The following CNTNAP2 variants were observed in gnomAD, a reference collection of about 807,000 sequenced individuals.
CNTNAP2 encodes the protein contactin-associated protein-like 2.
In CNTNAP2, 98 loss-of-function variants were observed where a neutral mutation model predicts 155.2. The ratio of observed to expected loss-of-function variants is 0.63; its 90% CI spans 0.54 to 0.75. CNTNAP2 has a LOEUF of 0.75. CNTNAP2 is among the 30% of genes least tolerant of loss of function. The probability of loss-of-function intolerance (pLI) is 0.00; values close to 1 mark genes in which losing one functional copy is unlikely to be tolerated. For synonymous variants in CNTNAP2, 651 were observed against 631.2 expected (o/e 1.03, Z -0.47); for missense variants, 1,727 against 1,688.1 (o/e 1.02, Z -0.40).
At chr7:147,160,701 G>T (rs1802008370) in intron 8 of CNTNAP2, among the ~76,000 whole-genome samples, 1 of 152,068 alleles carries the variant, frequency 6.6e-6, no homozygotes, top group African/African-American at 2.4e-5. Context: ...AAATCTTAAA[G>T]GGGAGATTGT....
chr7:146,312,907 A>G (rs1324142195), intron 1 of CNTNAP2, among the ~76,000 whole-genome samples: 1 of 152,254 alleles, frequency 6.6e-6, no homozygotes, highest in South Asian at 2.1e-4. Context: ...TTTTAAGGGT[A>G]TATAGTATTC....
chr7:148,417,287 G>T lies in CNTNAP2; in HGVS notation c.*1671G>T, dbSNP rs988681873. 6.6e-6 allele frequency: 1 copy of T among 152,516 alleles called. No individual in the cohort carries two copies. Among genetic ancestry groups the T allele is most frequent in the African/African-American group, 2.4e-5 (1 of 41,410 alleles). The allele number at this position is 152,516 out of a possible 1,614,324, so 9.4% of individuals were successfully genotyped here. On this transcript the variant is annotated 3_prime_UTR_variant, in exon 24 of 24. Coordinates refer to ENST00000361727, the MANE Select transcript of CNTNAP2 (RefSeq NM_014141.6). ...AGATTCTCAGTGTGCCTAACTTATTGGAGCACATCAGTTTCTTGGGTAATG... is the reference window on the plus strand; with the variant it reads ...AGATTCTCAGTGTGCCTAACTTATTTGAGCACATCAGTTTCTTGGGTAATG...
At chr7:147,587,986 G>A (rs1411380942) in intron 12 of CNTNAP2, among the ~76,000 whole-genome samples, 1 of 152,172 alleles carries the variant, frequency 6.6e-6, no homozygotes, top group Middle Eastern at 3.4e-3. Flanking sequence ...TTGTTTTCCT[G>A]TTTAGAAAAT....
chr7:147,895,695 C>T (rs1799765153), intron 13 of CNTNAP2, among the ~76,000 whole-genome samples: 1 of 152,144 alleles, frequency 6.6e-6, no homozygotes, highest in South Asian at 2.1e-4. Context: ...CTGCTATTCC[C>T]CAAAGCCAAT....
intron 13 of CNTNAP2, among the ~76,000 whole-genome samples, chr7:147,826,639 A>G (rs1210676134): frequency 6.6e-6 from 1 of 152,222 alleles, no homozygotes; most frequent in Non-Finnish European, 1.5e-5. Context: ...ATTTTATCAG[A>G]GATATCAAAG....
intron 20 of CNTNAP2, among the ~76,000 whole-genome samples, chr7:148,251,036 T>C (rs551300579): frequency 6.6e-6 from 1 of 152,220 alleles, no homozygotes; most frequent in South Asian, 2.1e-4. Flanking sequence ...TAACCCTTGT[T>C]CTATTATTAC....
intron 11 of CNTNAP2, among the ~76,000 whole-genome samples, chr7:147,542,418 C>T (rs141088744): frequency 2.0e-3 from 297 of 152,224 alleles, no homozygotes; most frequent in African/African-American, 6.7e-3. Context: ...ACTTCATTTA[C>T]GGACTAGCTG....
intron 1 of CNTNAP2, among the ~76,000 whole-genome samples, chr7:146,244,435 C>T (rs1799612810): frequency 6.6e-6 from 1 of 152,110 alleles, no homozygotes; most frequent in East Asian, 1.9e-4. Context: ...TGGAATGAGA[C>T]TGGGGCCTAA....
intron 3 of CNTNAP2, among the ~76,000 whole-genome samples, chr7:147,017,727 AT>A (rs143176168): frequency 0.097 from 14,818 of 152,092 alleles, 1,066 homozygotes; most frequent in East Asian, 0.26. Context: ...TGTTAAAAAA[AT>A]GATTCTTGTA....
intron 1 of CNTNAP2, among the ~76,000 whole-genome samples, chr7:146,684,639 CA>C (rs3080477): frequency 0.02 from 1,286 of 63,454 alleles, 22 homozygotes; most frequent in African/African-American, 0.067. Flanking sequence ...AGATCCAGCG[CA>C]AAAAAAAAAA....
chr7:147,024,705 A>G (rs544048210), intron 3 of CNTNAP2, among the ~76,000 whole-genome samples: 2 of 152,334 alleles, frequency 1.3e-5, no homozygotes, highest in East Asian at 1.9e-4. Flanking sequence ...AAAATGATAT[A>G]AAATTTCTAA....
intron 9 of CNTNAP2, among the ~76,000 whole-genome samples, chr7:147,353,053 G>A (rs552831669): frequency 1.8e-4 from 27 of 150,248 alleles, no homozygotes; most frequent in African/African-American, 4.7e-4. Flanking sequence ...ATTATAAACC[G>A]CAACTCTGTT....
chr7:148,265,429 A>C (rs1325234828), intron 20 of CNTNAP2, among the ~76,000 whole-genome samples: 1 of 152,090 alleles, frequency 6.6e-6, no homozygotes, highest in Non-Finnish European at 1.5e-5. Context: ...GCACACCACC[A>C]CACCCAGCTA....
intron 1 of CNTNAP2, among the ~76,000 whole-genome samples, chr7:146,454,590 T>C (rs899768303): frequency 6.6e-6 from 1 of 151,764 alleles, no homozygotes; most frequent in Admixed American, 6.6e-5. Flanking sequence ...CTTTATGAAG[T>C]ATTGTATAAA....
Position 148,101,657 on chromosome 7 carries a change from G to T in CNTNAP2, c.2384-16461G>T, listed in dbSNP as rs549911736. 9.2e-5 allele frequency among the ~76,000 whole-genome samples: 14 copies of T among 152,246 alleles called. No homozygotes were observed. The East Asian group carries it at 2.7e-3, about 29-fold the overall frequency. On this transcript the variant is annotated intron_variant, in intron 15 of 23. Coordinates refer to ENST00000361727, the MANE Select transcript of CNTNAP2 (RefSeq NM_014141.6). ...TTCCAATCTTAATTTTAGAGCCCTTGTTCTTCGTCCAGAGCCCCTAGACTG... is the reference window on the plus strand; with the variant it reads ...TTCCAATCTTAATTTTAGAGCCCTTTTTCTTCGTCCAGAGCCCCTAGACTG...
intron 12 of CNTNAP2, among the ~76,000 whole-genome samples, chr7:147,593,635 T>C (rs1800778927): frequency 1.3e-5 from 2 of 152,280 alleles, no homozygotes; most frequent in South Asian, 4.1e-4. Context: ...GACAAATTGC[T>C]TAGAACTGTA....
chr7:146,479,347 G>T (rs1482762641), intron 1 of CNTNAP2, among the ~76,000 whole-genome samples: 3 of 152,148 alleles, frequency 2.0e-5, no homozygotes, highest in African/African-American at 7.2e-5. Flanking sequence ...AGGTTTAGTG[G>T]AGGCAGTTCT....
At chr7:146,510,304 A>T (rs1248199010) in intron 1 of CNTNAP2, among the ~76,000 whole-genome samples, 1 of 152,184 alleles carries the variant, frequency 6.6e-6, no homozygotes, top group Non-Finnish European at 1.5e-5. Flanking sequence ...CTGCACTCCA[A>T]ACCTGCTGTG....
At chr7:146,827,316 A>T (rs985265702) in intron 2 of CNTNAP2, among the ~76,000 whole-genome samples, 1 of 152,018 alleles carries the variant, frequency 6.6e-6, no homozygotes, top group South Asian at 2.1e-4. Context: ...TACAAATTCC[A>T]TGATTTAACT....
Sources: allele counts gnomAD v4.1 joint callset (sites outside exome capture counted in the v4.1 genomes callset), GRCh38; gene constraint gnomAD v4.1.1; transcripts MANE v1.5; gene names NCBI Gene and HGNC (gene_info 2026-07-23, HGNC 2026-07-21).